The following SCARB2 variants were observed in gnomAD, a reference collection of about 807,000 sequenced individuals.
SCARB2 encodes the protein lysosome membrane protein 2.
Under a neutral mutation model 58.6 loss-of-function variants are expected in SCARB2, and 29 were observed. The observed-to-expected ratio is 0.49, with a 90% CI of 0.37 to 0.67. The LOEUF (loss-of-function observed/expected upper bound fraction) is 0.67. SCARB2 is among the 30% of genes least tolerant of loss of function. The pLI, the probability that SCARB2 is intolerant of heterozygous loss-of-function variation, is 0.00. For missense variants in SCARB2, 488 were observed against 578.5 expected (o/e 0.84, Z 1.60); for synonymous variants, 195 against 210.1 (o/e 0.93, Z 0.62).
intron 1 of SCARB2, among the ~76,000 whole-genome samples, chr4:76,209,561 G>T (rs1732998057): frequency 2.6e-5 from 4 of 152,084 alleles, no homozygotes; most frequent in Admixed American, 2.6e-4. Flanking sequence ...TAGAGACAGG[G>T]TTTCACCATA....
chr4:76,172,977 AG>A (rs1380235846), intron 7 of SCARB2: 1 of 152,208 alleles, frequency 6.6e-6, no homozygotes, highest in Non-Finnish European at 1.5e-5. Context: ...GAGTTCCGCC[AG>A]GGATCTGCTC....
intron 7 of SCARB2, among the ~76,000 whole-genome samples, chr4:76,170,945 AATATATATAT>A (rs35595759): frequency 2.9e-5 from 4 of 136,610 alleles, no homozygotes; most frequent in African/African-American, 7.6e-5. Context: ...TGTAAATTTA[AATATATATAT>A]ATATATATAT....
intron 4 of SCARB2, chr4:76,179,278 T>G: frequency 2.0e-6 from 1 of 504,194 alleles, no homozygotes; most frequent in South Asian, 2.1e-5. Flanking sequence ...GGTCTCAAAG[T>G]CTTAACCTCA....
chr4:76,209,146 C>G (rs1310453322), intron 1 of SCARB2, among the ~76,000 whole-genome samples: 1 of 152,040 alleles, frequency 6.6e-6, no homozygotes, highest in South Asian at 2.1e-4. Context: ...TTTTTCTGAT[C>G]AAGAAAAATC....
chr4:76,195,826 G>A lies in SCARB2; in HGVS notation c.156C>T (p.Ser52=). 2 of 1,613,818 alleles carry A rather than the reference G, an allele frequency of 1.2e-6. No individual in the cohort carries two copies. Among genetic ancestry groups the A allele is most frequent in the Non-Finnish European group, 1.7e-6 (2 of 1,179,736 alleles). ...ACACAGGCAGAGGGGGCTTCTCCCA[G>A]GAGTCAAATGCCTCAGTACCATTCC... The part of the protein sequence containing the change: ...VLRNGTEAFD[S]WEKPPLPVYT... Residue 52 remains serine, a synonymous_variant, in exon 2 of 12, where the codon TCC becomes TCT. Transcript: ENST00000264896.
intron 11 of SCARB2, 23 bp from the exon 12 acceptor site, chr4:76,161,774 C>A (rs770193295): frequency 1.2e-6 from 2 of 1,613,794 alleles, no homozygotes; most frequent in East Asian, 4.5e-5. Context: ...AGAGAGAAAA[C>A]AAGTTAGATG....
At chr4:76,185,797 T>A (rs1460307914) in intron 2 of SCARB2, among the ~76,000 whole-genome samples, 1 of 152,220 alleles carries the variant, frequency 6.6e-6, no homozygotes, top group Non-Finnish European at 1.5e-5. Context: ...TGATTGGGCA[T>A]ACACTGGATA....
intron 4 of SCARB2, among the ~76,000 whole-genome samples, chr4:76,177,837 C>G (rs990278091): frequency 6.6e-6 from 1 of 152,062 alleles, no homozygotes; most frequent in Non-Finnish European, 1.5e-5. Flanking sequence ...ATTCACAGAG[C>G]CAGAAAGTAG....
In SCARB2 at chr4:76,210,698, CACT is replaced by C. The variant is rs1314122005; in HGVS notation, c.117+2726_117+2728del. Among the ~76,000 whole-genome samples the C allele has an allele frequency of 2.6e-5, 4 of 152,316 alleles. No individual in the cohort carries two copies. The East Asian group carries it at 5.8e-4, about 22-fold the overall frequency. On this transcript the variant is annotated intron_variant, in intron 1 of 11. Coordinates refer to ENST00000264896, the MANE Select transcript of SCARB2 (RefSeq NM_005506.4). ...GCCTTGCCCAATACGAGGCAGTCAC[CACT>C]GAGGCCAAAAATGAAACAAAATTGT... is the stretch of plus-strand genomic sequence containing the variant.
intron 1 of SCARB2, among the ~76,000 whole-genome samples, chr4:76,220,024 A>G (rs1034611393): frequency 4.6e-5 from 7 of 152,222 alleles, no homozygotes; most frequent in African/African-American, 1.2e-4. Flanking sequence ...GTTTGCTTCA[A>G]TTGCACTGCA....
At chr4:76,173,618 A>G (rs1282448522) in intron 7 of SCARB2, 1 of 162,448 alleles carries the variant, frequency 6.2e-6, no homozygotes, top group Non-Finnish European at 1.4e-5. Context: ...GAATACAAGC[A>G]TGAGCCACCG....
upstream of SCARB2, chr4:76,214,379 G>A (rs1377549725): frequency 5.5e-5 from 24 of 435,298 alleles, no homozygotes; most frequent in Admixed American, 2.1e-4. Context: ...AAGAATGGAA[G>A]ATGTGCAAAA....
intron 7 of SCARB2, chr4:76,173,722 T>C: frequency 4.1e-6 from 1 of 244,136 alleles, no homozygotes; most frequent in Non-Finnish European, 8.1e-6. Flanking sequence ...GGACAGTGAC[T>C]GGCATACATC....
intron 8 of SCARB2, among the ~76,000 whole-genome samples, chr4:76,169,324 A>ACC (rs1732078611): frequency 7.2e-6 from 1 of 139,694 alleles, no homozygotes; most frequent in African/African-American, 3.0e-5. Flanking sequence ...TTATACACAC[A>ACC]CACACACACA....
At position 76,213,667 on chromosome 4, in the gene SCARB2, G is replaced by A; in HGVS notation, c.-124C>T. The A allele has an allele frequency of 2.7e-6, 2 of 742,958 alleles. No individual in the cohort carries two copies. Among genetic ancestry groups the A allele is most frequent in the Non-Finnish European group, 4.5e-6 (2 of 446,210 alleles). 46.0% of individuals were successfully genotyped at this position (742,958 alleles called of 1,614,324 possible). ...TTCGGCGCCACGCCCACGCCCTCCC[G>A]GCGCACGGTTCGTGCGCGCAGCTCT... On this transcript the variant is annotated 5_prime_UTR_variant, in exon 1 of 12. Coordinates refer to ENST00000264896, the MANE Select transcript of SCARB2 (RefSeq NM_005506.4).
At chr4:76,196,865 A>G (rs945251294) in intron 1 of SCARB2, among the ~76,000 whole-genome samples, 1 of 152,094 alleles carries the variant, frequency 6.6e-6, no homozygotes, top group African/African-American at 2.4e-5. Context: ...CTAAATTCCT[A>G]AGCTGAAGTC....
chr4:76,232,006 C>T (rs1029866887), intron 1 of SCARB2, among the ~76,000 whole-genome samples: 3 of 152,170 alleles, frequency 2.0e-5, no homozygotes, highest in Non-Finnish European at 4.4e-5. Context: ...GAAGTGGATT[C>T]CTATTGCACT....
chr4:76,176,754 CAG>C, intron 4 of SCARB2: 2 of 442,080 alleles, frequency 4.5e-6, no homozygotes, highest in South Asian at 3.4e-5. Context: ...CAAGCAAAAA[CAG>C]AGGTTTCTTA....
upstream of SCARB2, among the ~76,000 whole-genome samples, chr4:76,216,049 A>T (rs1347195300): frequency 6.6e-6 from 1 of 152,136 alleles, no homozygotes; most frequent in Non-Finnish European, 1.5e-5. Context: ...GTGTTCAAAT[A>T]GAACCTGGTG....
Sources: allele counts gnomAD v4.1 joint callset (sites outside exome capture counted in the v4.1 genomes callset), GRCh38; gene constraint gnomAD v4.1.1; transcripts MANE v1.5; gene names NCBI Gene and HGNC (gene_info 2026-07-23, HGNC 2026-07-21).